CTNNA2: variants seen among roughly 807,000 people sequenced by gnomAD.
CTNNA2 encodes the protein catenin alpha-2.
A neutral mutation model predicts 101.0 loss-of-function variants in CTNNA2; 42 were observed. The observed-to-expected ratio is 0.42, with a 90% confidence interval of 0.32 to 0.54. The LOEUF is 0.54. Among genes scored for constraint, CTNNA2 ranks in the 20% least tolerant of loss-of-function variants. CTNNA2 has a pLI of 0.14. For missense variants in CTNNA2, 871 were observed against 1,223.1 expected (o/e 0.71, Z 4.29); for synonymous variants, 450 against 456.4 (o/e 0.99, Z 0.18).
At chr2:79,754,371 A>C (rs571529133) in intron 3 of CTNNA2, among the ~76,000 whole-genome samples, 1 of 152,064 alleles carries the variant, frequency 6.6e-6, no homozygotes, top group Non-Finnish European at 1.5e-5. Flanking sequence ...TAGTGGAATG[A>C]GAGGACCCAA....
chr2:79,224,136 C>A (rs1426207877), intron 2 of CTNNA2, among the ~76,000 whole-genome samples: 2 of 152,272 alleles, frequency 1.3e-5, no homozygotes, highest in Non-Finnish European at 2.9e-5. Flanking sequence ...TTAAGACATA[C>A]AAATATAAAT....
intron 7 of CTNNA2, among the ~76,000 whole-genome samples, chr2:79,975,094 T>C (rs1013081301): frequency 1.3e-5 from 2 of 152,160 alleles, no homozygotes; most frequent in African/African-American, 2.4e-5. Flanking sequence ...ATATCCTTCA[T>C]GAGGTACGGA....
intron 3 of CTNNA2, among the ~76,000 whole-genome samples, chr2:79,827,801 A>G (rs1288803695): frequency 1.2e-4 from 19 of 152,200 alleles, no homozygotes; most frequent in Non-Finnish European, 1.5e-5. Context: ...GGAATGAGTG[A>G]TTTTTATTAT....
intron 2 of CTNNA2, among the ~76,000 whole-genome samples, chr2:79,273,179 G>T (rs957024449): frequency 2.6e-5 from 4 of 151,736 alleles, no homozygotes; most frequent in Non-Finnish European, 4.4e-5. Flanking sequence ...TATTTATTTT[G>T]TATCAGGACT....
chr2:79,540,533 C>T (rs1357914460), intron 1 of CTNNA2, among the ~76,000 whole-genome samples: 1 of 152,124 alleles, frequency 6.6e-6, no homozygotes, highest in Admixed American at 6.6e-5. Context: ...TATACTAATC[C>T]CCATTGTATT....
At position 80,648,073 on chromosome 2, in the gene CTNNA2, C is replaced by CGGAA. The variant is rs1674300478; in HGVS notation, c.*201_*202insGGAA. 2.0e-6 allele frequency: 1 copy of CGGAA among 501,312 alleles called. No individual in the cohort carries two copies. The allele number at this position is 501,312 out of a possible 1,614,324, so 31.1% of individuals were successfully genotyped here. A position where few individuals can be genotyped will look rare whatever the true frequency, so the allele number is the denominator to read the frequency against. ...AGCCTGGGAAGGAGACAGGACATTCCTGTACTAAGGTGGCACAGAGCTGTC... is the reference window on the plus strand; with the variant it reads ...AGCCTGGGAAGGAGACAGGACATTCCGGAATGTACTAAGGTGGCACAGAGCTGTC... On this transcript the variant is annotated 3_prime_UTR_variant, in exon 19 of 19. Transcript: ENST00000402739.
At chr2:79,281,320 A>T (rs114596182) in intron 2 of CTNNA2, 1 of 152,100 alleles carries the variant, frequency 6.6e-6, no homozygotes. Flanking sequence ...TGATCTAAAG[A>T]TACTGGTCAC....
chr2:79,436,522 C>A lies in CTNNA2; in HGVS notation c.-135+62509C>A, dbSNP rs150323700. On this transcript the variant is annotated intron_variant, in intron 4 of 21. Coordinates refer to the CTNNA2 transcript ENST00000466387. ...ATCCCACACCTAGAGATTCTGATTT[C>A]ATTGGTCTGGGGTCTGTTCTGGGCA... 3.9e-4 allele frequency among the ~76,000 whole-genome samples: 60 copies of A among 152,254 alleles called. 1 individual carries two copies. The East Asian group carries it at 0.011, about 29-fold the overall frequency.
intron 7 of CTNNA2, among the ~76,000 whole-genome samples, chr2:80,065,777 A>C (rs1036209175): frequency 6.6e-6 from 1 of 152,200 alleles, no homozygotes; most frequent in Non-Finnish European, 1.5e-5. Context: ...AGCATCAGCT[A>C]TCATCATCTT....
At chr2:79,692,690 A>G (rs1684386593) in intron 2 of CTNNA2, among the ~76,000 whole-genome samples, 1 of 152,098 alleles carries the variant, frequency 6.6e-6, no homozygotes, top group African/African-American at 2.4e-5. Context: ...AATACTATAC[A>G]GCCATAAAAA....
chr2:80,168,368 T>C (rs1704830368), intron 7 of CTNNA2, among the ~76,000 whole-genome samples: 1 of 152,114 alleles, frequency 6.6e-6, no homozygotes, highest in African/African-American at 2.4e-5. Flanking sequence ...AGAAAATATC[T>C]ATAAAAGCCA....
chr2:79,862,194 A>G (rs1271137547), intron 4 of CTNNA2, among the ~76,000 whole-genome samples: 3 of 152,198 alleles, frequency 2.0e-5, no homozygotes, highest in African/African-American at 7.2e-5. Context: ...AATGTTCTTG[A>G]TTATTTGATA....
At chr2:79,650,278 G>T (rs1232768155) in intron 1 of CTNNA2, among the ~76,000 whole-genome samples, 1 of 151,450 alleles carries the variant, frequency 6.6e-6, no homozygotes, top group Non-Finnish European at 1.5e-5. Context: ...GCTTTAGAGT[G>T]AAATAAATAA....
intron 7 of CTNNA2, among the ~76,000 whole-genome samples, chr2:80,067,154 A>T (rs1333873273): frequency 6.7e-6 from 1 of 150,186 alleles, no homozygotes; most frequent in Non-Finnish European, 1.5e-5. Context: ...TAAGTTCAAG[A>T]GATCTAGCAT....
chr2:80,212,873 T>C (rs1707994369), intron 7 of CTNNA2, among the ~76,000 whole-genome samples: 1 of 152,224 alleles, frequency 6.6e-6, no homozygotes, highest in African/African-American at 2.4e-5. Flanking sequence ...GGCTATTAAT[T>C]AGTGCCTCAA....
At position 80,303,790 on chromosome 2, in the gene CTNNA2, T is replaced by C; in HGVS notation, c.1057-89421T>C. ...CCGAGGGCCTCCTCAGCAGCCAGTA[T>C]AGACAGAGACCGAGCAGCAGGAAAT... On this transcript the variant is annotated intron_variant, in intron 7 of 18. Transcript: ENST00000402739. This position sits in a 1 kb window ranked among gnomAD's most constrained non-coding sequence, Gnocchi z 7.7. 2 of 1,535,316 alleles carry C rather than the reference T, an allele frequency of 1.3e-6. No homozygotes were observed. The highest frequency in any genetic ancestry group is 1.8e-6 in the Non-Finnish European group (2 of 1,142,720).
At chr2:80,473,498 T>C (rs1299445209) in intron 9 of CTNNA2, among the ~76,000 whole-genome samples, 1 of 152,182 alleles carries the variant, frequency 6.6e-6, no homozygotes, top group Non-Finnish European at 1.5e-5. Flanking sequence ...ATACAACCTC[T>C]GTAATATGTT....
chr2:79,820,843 C>T (rs1677943481), intron 3 of CTNNA2, among the ~76,000 whole-genome samples: 1 of 152,076 alleles, frequency 6.6e-6, no homozygotes, highest in East Asian at 1.9e-4. Flanking sequence ...TCAATATTTA[C>T]CTCATCTTTC....
upstream of CTNNA2, chr2:79,512,876 G>T (rs921063679): frequency 2.0e-5 from 3 of 151,464 alleles, no homozygotes; most frequent in African/African-American, 7.2e-5. Context: ...CGGAGCCACG[G>T]GGACCGCGGG....
Sources: gnomAD v4.1 joint callset for allele counts (sites outside exome capture counted in the v4.1 genomes callset) on GRCh38, gnomAD v4.1.1 for gene constraint, Gnocchi (gnomAD v3.1) non-coding constraint, MANE v1.5 for transcripts, NCBI Gene and HGNC (gene_info 2026-07-23, HGNC 2026-07-21) for gene names.